Variants in CPA3 observed in about 807,000 individuals in gnomAD.
The protein encoded by CPA3 is carboxypeptidase A3, also known as mast cell carboxypeptidase A.
CPA3 carries 52 observed loss-of-function variants against 55.8 expected under a neutral mutation model. The ratio of observed to expected loss-of-function variants is 0.93; its 90% CI spans 0.75 to 1.17. The LOEUF is 1.17. CPA3 is among the 50% of genes most tolerant of loss of function. The pLI is 0.00. For missense variants in CPA3, 547 were observed against 509.1 expected (o/e 1.07, Z -0.72); for synonymous variants, 179 against 171.2 (o/e 1.05, Z -0.36).
intron 3 of CPA3, 62 bp downstream of exon 3, chr3:148,869,101 G>C (rs1490114393): frequency 3.2e-6 from 5 of 1,585,084 alleles, no homozygotes; most frequent in Non-Finnish European, 4.3e-6. Flanking sequence ...CCTTGAAGTA[G>C]AGGAAAGTAT....
rs893810751 is a variant in CPA3, at chr3:148,867,123, C to T, written c.144+1575C>T. ...TTATGATCTGCCAAACTACCAGCCTCTTCAATATCCTGCTCCTCCACCTTC... is the reference window on the plus strand; with the variant it reads ...TTATGATCTGCCAAACTACCAGCCTTTTCAATATCCTGCTCCTCCACCTTC... On this transcript the variant is annotated intron_variant, in intron 2 of 10. Transcript: ENST00000296046. Among the ~76,000 whole-genome samples, 5 of 152,312 alleles carry T rather than the reference C, an allele frequency of 3.3e-5. No individual in the cohort carries two copies. The South Asian group carries it at 6.2e-4, about 19-fold the overall frequency.
chr3:148,870,967 G>C (rs144007833), intron 3 of CPA3, among the ~76,000 whole-genome samples: 3,553 of 152,150 alleles, frequency 0.023, 73 homozygotes, highest in Middle Eastern at 0.075. Flanking sequence ...GGCGCAATCT[G>C]GGTTCACTGC....
chr3:148,869,091 C>G (rs761675610), intron 3 of CPA3, 52 bp downstream of exon 3: 1 of 1,595,124 alleles, frequency 6.3e-7, no homozygotes, highest in South Asian at 1.1e-5. Flanking sequence ...GTTTTGGGAG[C>G]CTTGAAGTAG....
rs573515936 is a variant in CPA3, at chr3:148,896,379, T to G, written c.1067-141T>G. ...TGCTTTACTATGCACTCTGTACTAT[T>G]CAGACCACTACTCTCATTCATTACT... On this transcript the variant is annotated intron_variant, in intron 10 of 10. Coordinates refer to ENST00000296046, the MANE Select transcript of CPA3 (RefSeq NM_001870.4). The G allele has an allele frequency of 2.3e-4, 141 of 622,162 alleles. 2 individuals carry two copies. The South Asian group carries it at 4.2e-3, about 19-fold the overall frequency. 38.5% of individuals were successfully genotyped at this position (622,162 alleles called of 1,614,324 possible).
chr3:148,894,314 T>C (rs1312510121), intron 10 of CPA3, among the ~76,000 whole-genome samples: 1 of 152,038 alleles, frequency 6.6e-6, no homozygotes, highest in African/African-American at 2.4e-5. Context: ...CTGTGGTAAG[T>C]TATGTATGTG....
intron 6 of CPA3, 134 bp downstream of exon 6, chr3:148,880,023 A>G (rs542481005): frequency 1.7e-6 from 1 of 582,328 alleles, no homozygotes; most frequent in East Asian, 2.9e-5. Context: ...CAGGGAAGAA[A>G]CGCTCTGAAT....
chr3:148,890,233 T>C (rs1301554370), intron 10 of CPA3, among the ~76,000 whole-genome samples: 1 of 152,222 alleles, frequency 6.6e-6, no homozygotes, highest in African/African-American at 2.4e-5. Flanking sequence ...ATGATTATAT[T>C]TGCATATAAA....
Position 148,879,802 on chromosome 3 carries a change from T to A in CPA3, c.489T>A (p.Asn163Lys). The A allele has an allele frequency of 6.2e-7, 1 of 1,608,650 alleles. No individual in the cohort carries two copies. The change falls in exon 6 of 11, where the codon AAT (asparagine) becomes AAA (lysine). Residue 163 changes from asparagine to lysine, a missense_variant. Asn to Lys is a moderately conservative substitution (Grantham distance 94). Transcript: ENST00000296046. ...PLYVLKIGEK[N>K]ERRKAIFTDC... Reference sequence around the variant, plus strand: ...CTTTTAAATAGATTGGGGAAAAGAATGAAAGAAGAAAGGCTATTTTTACGG... The same window carrying A: ...CTTTTAAATAGATTGGGGAAAAGAAAGAAAGAAGAAAGGCTATTTTTACGG...
At chr3:148,875,648 A>G in intron 3 of CPA3, among the ~76,000 whole-genome samples, 1 of 152,128 alleles carries the variant, frequency 6.6e-6, no homozygotes, top group African/African-American at 2.4e-5. Flanking sequence ...CCTAGATCCA[A>G]TGCATTCCTT....
intron 8 of CPA3, among the ~76,000 whole-genome samples, chr3:148,882,957 A>G (rs904216387): frequency 3.3e-5 from 5 of 152,174 alleles, no homozygotes; most frequent in Non-Finnish European, 5.9e-5. Flanking sequence ...AGTTTTTCAG[A>G]TATTTAGTGA....
intron 10 of CPA3, among the ~76,000 whole-genome samples, chr3:148,894,948 GT>G (rs1267466250): frequency 1.3e-5 from 2 of 152,200 alleles, no homozygotes; most frequent in African/African-American, 4.8e-5. Flanking sequence ...TTAACAGTAT[GT>G]TTTTTCCAGC....
chr3:148,875,331 A>G (rs989394345), intron 3 of CPA3, among the ~76,000 whole-genome samples: 4 of 152,230 alleles, frequency 2.6e-5, no homozygotes, highest in African/African-American at 2.4e-5. Flanking sequence ...GCCAAATAAG[A>G]AAATTGTTCA....
chr3:148,883,501 A>C, intron 8 of CPA3, 112 bp from the exon 9 acceptor site: 2 of 835,818 alleles, frequency 2.4e-6, no homozygotes, highest in Non-Finnish European at 3.8e-6. Flanking sequence ...CCCTGTAAAC[A>C]TGAGAGGCAA....
chr3:148,870,659 A>G (rs1714039099), intron 3 of CPA3, among the ~76,000 whole-genome samples: 1 of 152,124 alleles, frequency 6.6e-6, no homozygotes. Context: ...CTTAAAGTAT[A>G]AAAATATATA....
intron 2 of CPA3, among the ~76,000 whole-genome samples, chr3:148,866,616 C>T (rs1713908375): frequency 6.6e-6 from 1 of 152,202 alleles, no homozygotes; most frequent in South Asian, 2.1e-4. Flanking sequence ...GCAACTTACT[C>T]AACATCTCTG....
At position 148,883,654 on chromosome 3, in the gene CPA3, G is replaced by A; in HGVS notation, c.820G>A (p.Gly274Ser). 4 of 1,614,050 alleles carry A rather than the reference G, an allele frequency of 2.5e-6. No homozygotes were observed. Among genetic ancestry groups the A allele is most frequent in the Non-Finnish European group, 3.4e-6 (4 of 1,179,978 alleles). ...TGACCCATGTGCAGATAACTATCGG[G>A]GCTCTGCACCAGAGTCCGAGAAAGA... is the stretch of plus-strand genomic sequence containing the variant. The part of the protein sequence containing the change: ...TNDPCADNYR[G>S]SAPESEKETK... The change falls in exon 9 of 11, where the codon GGC becomes AGC. Residue 274 changes from glycine (G) to serine (S), a missense_variant. Transcript: ENST00000296046.
intron 8 of CPA3, 58 bp downstream of exon 8, chr3:148,882,653 C>A: frequency 1.5e-6 from 2 of 1,367,862 alleles, no homozygotes; most frequent in Non-Finnish European, 1.0e-6. Context: ...AGGTCCCAAA[C>A]TTAACTAAAA....
At position 148,878,711 on chromosome 3, in the gene CPA3, G is replaced by C. The variant is rs1261965365; in HGVS notation, c.437G>C (p.Gly146Ala). ...GAAATGGTCTCTCGTATTAAAATTG[G>C]ATCTACTGTTGAAGATAATCCACTA... ...YPEMVSRIKI[G>A]STVEDNPLYV... The change falls in exon 5 of 11, where the codon GGA becomes GCA. Residue 146 changes from glycine to alanine, a missense_variant. Gly to Ala is a moderately conservative substitution (Grantham distance 60). Coordinates refer to ENST00000296046, the MANE Select transcript of CPA3 (RefSeq NM_001870.4). 1 of 1,610,322 alleles carries C rather than the reference G, an allele frequency of 6.2e-7. No homozygotes were observed. Among genetic ancestry groups the C allele is most frequent in the Admixed American group, 1.7e-5 (1 of 59,930 alleles).
chr3:148,883,882 A>T (rs1714450194), intron 9 of CPA3, 67 bp downstream of exon 9: 1 of 1,163,004 alleles, frequency 8.6e-7, no homozygotes, highest in Non-Finnish European at 1.3e-6. Flanking sequence ...GTTCTTCATT[A>T]ACTTGGGTAT....
Sources: allele counts gnomAD v4.1 joint callset (sites outside exome capture counted in the v4.1 genomes callset), GRCh38; gene constraint gnomAD v4.1.1; transcripts MANE v1.5; gene names NCBI Gene and HGNC (gene_info 2026-07-23, HGNC 2026-07-21).